Variants in RAB11FIP5 observed in about 807,000 individuals in gnomAD.
RAB11FIP5 encodes RAB11 family interacting protein 5, also known as rab11 family-interacting protein 5.
In RAB11FIP5, 48 loss-of-function variants were observed where a neutral mutation model predicts 85.1. That is an observed-to-expected ratio of 0.56 (90% confidence interval 0.45 to 0.72). RAB11FIP5 has a LOEUF of 0.72. Among genes scored for constraint, RAB11FIP5 ranks in the 30% least tolerant of loss-of-function variants. The pLI is 0.00. For synonymous variants in RAB11FIP5, 729 were observed against 727.3 expected (o/e 1.00, Z -0.04); for missense variants, 1,491 against 1,687.0 (o/e 0.88, Z 2.04).
chr2:73,081,761 C>T lies in RAB11FIP5; in HGVS notation c.1569-98G>A. ...CACCCCCTGCTTCGGGACCAGGGGC[C>T]ATAACACACACATAGGCTGGATTTA... is the stretch of plus-strand genomic sequence containing the variant. On this transcript the variant is annotated intron_variant, in intron 3 of 5. Transcript: ENST00000486777. This position sits in a 1 kb window ranked among gnomAD's most constrained non-coding sequence, Gnocchi z 4.2. 9.2e-7 allele frequency: 1 copy of T among 1,085,966 alleles called. No homozygotes were observed. Among genetic ancestry groups the T allele is most frequent in the Non-Finnish European group, 1.2e-6 (1 of 855,308 alleles). 67.3% of individuals were successfully genotyped at this position (1,085,966 alleles called of 1,614,324 possible).
intron 3 of RAB11FIP5, among the ~76,000 whole-genome samples, chr2:73,084,889 G>A (rs988826841): frequency 3.3e-5 from 5 of 152,152 alleles, no homozygotes; most frequent in Admixed American, 1.3e-4. Context: ...CCTGAGGCAC[G>A]ACCTCCTGAC....
intron 1 of RAB11FIP5, among the ~76,000 whole-genome samples, chr2:73,100,777 G>GT (rs1200398059): frequency 3.3e-5 from 5 of 151,290 alleles, no homozygotes; most frequent in African/African-American, 9.7e-5. Context: ...TTCCCAACAG[G>GT]TTTTTTTTGG....
At chr2:73,098,615 G>T (rs992303583) in intron 1 of RAB11FIP5, among the ~76,000 whole-genome samples, 2 of 152,082 alleles carry the variant, frequency 1.3e-5, no homozygotes, top group African/African-American at 4.8e-5. Context: ...CCCCGACCTT[G>T]ACCACTATAC....
chr2:73,076,925 C>G (rs1191739026), intron 4 of RAB11FIP5, among the ~76,000 whole-genome samples: 1 of 152,228 alleles, frequency 6.6e-6, no homozygotes. Context: ...CCTGCTGGTT[C>G]TCACCTCACT....
chr2:73,100,630 T>C (rs1684410910), intron 1 of RAB11FIP5, among the ~76,000 whole-genome samples: 1 of 152,070 alleles, frequency 6.6e-6, no homozygotes, highest in Admixed American at 6.5e-5. Context: ...TTCACCATGT[T>C]GGCCAGGCTG....
In RAB11FIP5 at chr2:73,075,635, C is replaced by T. The variant is rs780290608; in HGVS notation, c.3861G>A (p.Leu1287=). The T allele has an allele frequency of 6.2e-7, 1 of 1,613,974 alleles. No individual in the cohort carries two copies. The highest frequency in any genetic ancestry group is 8.5e-7 in the Non-Finnish European group (1 of 1,179,932). The part of the protein sequence containing the change: ...ISLLLQRERE[L]SQRDEHVQEL... ...CCTGCACATGCTCGTCCCGCTGGCTCAGCTCCCGCTCCCGCTGCAGGAGCA... is the reference window on the plus strand; with the variant it reads ...CCTGCACATGCTCGTCCCGCTGGCTTAGCTCCCGCTCCCGCTGCAGGAGCA... The change falls in exon 6 of 6, where the codon CTG becomes CTA. Residue 1287 remains leucine, a synonymous_variant. Coordinates refer to ENST00000486777, the MANE Select transcript of RAB11FIP5 (RefSeq NM_001371272.1). The surrounding 1 kb of genome is among the most constrained non-coding windows in gnomAD (Gnocchi z 4.6).
At position 73,089,139 on chromosome 2, in the gene RAB11FIP5, T is replaced by C. The variant is rs1170095848; in HGVS notation, c.608A>G (p.Tyr203Cys). The change falls in exon 2 of 6, where the codon TAT becomes TGT. Residue 203 changes from tyrosine (Y) to cysteine (C), a missense_variant. Transcript: ENST00000486777. The surrounding 1 kb of genome is among the most constrained non-coding windows in gnomAD (Gnocchi z 4.6). ...IRDKMKGKKK[Y>C]DLESASAILP... The stretch of plus-strand genomic sequence containing the variant: ...GATGGCAGAGGCAGATTCCAGATCA[T>C]ACTTCTTCTTGCCCTTCATCTTGTC... 6.2e-7 allele frequency: 1 copy of C among 1,614,238 alleles called. No individual in the cohort carries two copies. The highest frequency in any genetic ancestry group is 2.2e-5 in the East Asian group (1 of 44,886).
intron 1 of RAB11FIP5, among the ~76,000 whole-genome samples, chr2:73,112,045 T>C (rs1259515247): frequency 6.6e-6 from 1 of 152,128 alleles, no homozygotes; most frequent in Non-Finnish European, 1.5e-5. Context: ...GAGGTTTCCA[T>C]AGCCCCAAAG....
Position 73,080,956 on chromosome 2 carries a change from A to T in RAB11FIP5, c.2276T>A (p.Leu759Gln). 2 of 1,232,274 alleles carry T rather than the reference A, an allele frequency of 1.6e-6. No homozygotes were observed. Among genetic ancestry groups the T allele is most frequent in the Non-Finnish European group, 1.0e-6 (1 of 988,070 alleles). The allele number at this position is 1,232,274 out of a possible 1,614,324, so 76.3% of individuals were successfully genotyped here. ...GLPSSSAQLQLRASGSEPDRE... is the reference protein window; with the variant it reads ...GLPSSSAQLQQRASGSEPDRE... ...GTCTGGTTCTGAGCCTGAGGCTCTCAGCTGTAGCTGGGCTGACGAGGAGGG... is the reference window on the plus strand; with the variant it reads ...GTCTGGTTCTGAGCCTGAGGCTCTCTGCTGTAGCTGGGCTGACGAGGAGGG... Residue 759 changes from leucine (L) to glutamine (Q), a missense_variant, in exon 4 of 6, where the codon CTG becomes CAG. Physicochemically the swap from Leu to Gln is moderately radical, Grantham distance 113. This residue lies in a region of RAB11FIP5 where 1,211 missense variants were observed against 1,338.0 expected (regional missense o/e 0.91). Coordinates refer to ENST00000486777, the MANE Select transcript of RAB11FIP5 (RefSeq NM_001371272.1).
Position 73,086,042 on chromosome 2 carries a change from C to T in RAB11FIP5, c.1568+2008G>A, listed in dbSNP as rs146655241. Among the ~76,000 whole-genome samples the T allele has an allele frequency of 1.3e-5, 2 of 152,310 alleles. No individual in the cohort carries two copies. Among genetic ancestry groups the T allele is most frequent in the East Asian group, 1.9e-4 (1 of 5,172 alleles). On this transcript the variant is annotated intron_variant, in intron 3 of 5. Coordinates refer to ENST00000486777, the MANE Select transcript of RAB11FIP5 (RefSeq NM_001371272.1). The surrounding 1 kb of genome is among the most constrained non-coding windows in gnomAD (Gnocchi z 4.4). ...GCCCTAAGCAAGCCCTCTGGGGAAG[C>T]GCCAACAGTCCTTTCTTCCAGGCCA...
Position 73,089,569 on chromosome 2 carries a change from G to A in RAB11FIP5, c.432-254C>T, listed in dbSNP as rs1350589570. ...CTCCTCGGGTGCCACCAGGTAGGGC[G>A]GCGGTTACCACACCATGCCTCCTCC... On this transcript the variant is annotated intron_variant, in intron 1 of 5. Transcript: ENST00000486777. The surrounding 1 kb of genome is among the most constrained non-coding windows in gnomAD (Gnocchi z 4.6). 14 of 561,804 alleles carry A rather than the reference G, an allele frequency of 2.5e-5. No individual in the cohort carries two copies. The highest frequency in any genetic ancestry group is 3.9e-5 in the Non-Finnish European group (12 of 309,422). 34.8% of individuals were successfully genotyped at this position (561,804 alleles called of 1,614,324 possible).
chr2:73,100,294 G>A (rs1684401896), intron 1 of RAB11FIP5, among the ~76,000 whole-genome samples: 1 of 152,132 alleles, frequency 6.6e-6, no homozygotes, highest in South Asian at 2.1e-4. Flanking sequence ...ACACTGTATA[G>A]ATGAAATCAT....
Position 73,088,395 on chromosome 2 carries a change from G to A in RAB11FIP5, c.1223C>T (p.Ala408Val). 2 of 1,613,856 alleles carry A rather than the reference G, an allele frequency of 1.2e-6. No individual in the cohort carries two copies. Among genetic ancestry groups the A allele is most frequent in the South Asian group, 1.1e-5 (1 of 91,088 alleles). The change falls in exon 3 of 6, where the codon GCT (alanine) becomes GTT (valine). Residue 408 changes from alanine (A) to valine (V), a missense_variant. Around this residue, in one of 3 missense-constraint regions of RAB11FIP5, gnomAD observed 1,211 missense variants for 1,338.0 expected, o/e 0.91. Coordinates refer to ENST00000486777, the MANE Select transcript of RAB11FIP5 (RefSeq NM_001371272.1). Reference sequence around the variant, plus strand: ...CCCAGGGGCCAGGACTTTAGCCTGAGCACTCAGCTCCTCCTGTCCAAGCAC... The same window carrying A: ...CCCAGGGGCCAGGACTTTAGCCTGAACACTCAGCTCCTCCTGTCCAAGCAC... ...EAVLGQEELSAQAKVLAPGAS... is the reference protein window; with the variant it reads ...EAVLGQEELSVQAKVLAPGAS...
Position 73,078,550 on chromosome 2 carries a change from T to A in RAB11FIP5, c.3581+1101A>T, listed in dbSNP as rs1559232050. On this transcript the variant is annotated intron_variant, in intron 4 of 5. Transcript: ENST00000486777. This position sits in a 1 kb window ranked among gnomAD's most constrained non-coding sequence, Gnocchi z 4.4. Reference sequence around the variant, plus strand: ...GACTCCCTCCCACCCACTTCCCATATGTAGTTCTGGCCCCTTGGGGTTTCT... The same window carrying A: ...GACTCCCTCCCACCCACTTCCCATAAGTAGTTCTGGCCCCTTGGGGTTTCT... Among the ~76,000 whole-genome samples, 7 of 152,276 alleles carry A rather than the reference T, an allele frequency of 4.6e-5. No homozygotes were observed. In the South Asian group the frequency reaches 1.5e-3, roughly 32 times the overall value.
rs906641067 is a variant in RAB11FIP5, at chr2:73,089,773, T to C, written c.432-458A>G. 1 of 264,562 alleles carries C rather than the reference T, an allele frequency of 3.8e-6. No individual in the cohort carries two copies. 16.4% of individuals were successfully genotyped at this position (264,562 alleles called of 1,614,324 possible). On this transcript the variant is annotated intron_variant, in intron 1 of 5. Coordinates refer to ENST00000486777, the MANE Select transcript of RAB11FIP5 (RefSeq NM_001371272.1). This position sits in a 1 kb window ranked among gnomAD's most constrained non-coding sequence, Gnocchi z 4.6. ...TGTTGACATCATCTCCTCTGGCCAG[T>C]CCCAGCCAAAGCTCTGCTCCCAGCC...
At chr2:73,102,455 G>C (rs1235810788) in intron 1 of RAB11FIP5, among the ~76,000 whole-genome samples, 1 of 152,186 alleles carries the variant, frequency 6.6e-6, no homozygotes, top group Non-Finnish European at 1.5e-5. Flanking sequence ...TAAAAAGGCA[G>C]CAGCAGCTAA....
At position 73,075,972 on chromosome 2, in the gene RAB11FIP5, C is replaced by A; in HGVS notation, c.3771+21G>T. ...CACCACACATTCTGTCAGATGGCCC[C>A]CACACCCTGCTGGGCCTTACCTTCA... On this transcript the variant is annotated intron_variant, in intron 5 of 5. Coordinates refer to ENST00000486777, the MANE Select transcript of RAB11FIP5 (RefSeq NM_001371272.1). The surrounding 1 kb of genome is among the most constrained non-coding windows in gnomAD (Gnocchi z 4.6). The A allele has an allele frequency of 2.5e-6, 4 of 1,602,180 alleles. No homozygotes were observed. Among genetic ancestry groups the A allele is most frequent in the Non-Finnish European group, 3.4e-6 (4 of 1,171,744 alleles).
chr2:73,098,237 C>T (rs1350038938), intron 1 of RAB11FIP5, among the ~76,000 whole-genome samples: 1 of 152,186 alleles, frequency 6.6e-6, no homozygotes, highest in African/African-American at 2.4e-5. Flanking sequence ...ACCCAAAAAT[C>T]TGAAATCTGA....
At chr2:73,084,815 C>CA (rs1684062592) in intron 3 of RAB11FIP5, among the ~76,000 whole-genome samples, 1 of 152,218 alleles carries the variant, frequency 6.6e-6, no homozygotes, top group Non-Finnish European at 1.5e-5. Context: ...GGCAATCCCC[C>CA]AAAGGCCGAA....
Sources: allele counts gnomAD v4.1 joint callset (sites outside exome capture counted in the v4.1 genomes callset), GRCh38; gene constraint gnomAD v4.1.1; regional missense constraint gnomAD v4.1.1; non-coding constraint Gnocchi (gnomAD v3.1); transcripts MANE v1.5; gene names NCBI Gene and HGNC (gene_info 2026-07-23, HGNC 2026-07-21).